CTSL: variants seen among roughly 807,000 people sequenced by gnomAD.
CTSL encodes the protein cathepsin L.
CTSL carries 23 observed loss-of-function variants against 34.7 expected under a neutral mutation model. The observed-to-expected ratio is 0.66, with a 90% CI of 0.48 to 0.94. The LOEUF (loss-of-function observed/expected upper bound fraction) is 0.94. CTSL is among the 40% of genes least tolerant of loss of function. The pLI is 0.00. For synonymous variants in CTSL, 129 were observed against 136.7 expected (o/e 0.94, Z 0.39); for missense variants, 361 against 406.3 (o/e 0.89, Z 0.96).
chr9:87,729,783 T>A, intron 6 of CTSL, 48 bp downstream of exon 6: 1 of 1,559,586 alleles, frequency 6.4e-7, no homozygotes, highest in Non-Finnish European at 8.7e-7. Context: ...AAGAGTATCA[T>A]GACATACGAG....
At position 87,727,690 on chromosome 9, in the gene CTSL, G is replaced by A. The variant is rs764222960; in HGVS notation, c.87G>A (p.Trp29Ter). ...TTGATCACAGTTTAGAGGCACAGTG[G>A]ACCAAGTGGAAGGCGATGCACAACA... ...LTFDHSLEAQ[W>*]TKWKAMHNRL... Residue 29 changes from tryptophan (W) to a stop codon, truncating the protein, a stop_gained, in exon 2 of 8, where the codon TGG (tryptophan) becomes TGA (stop). Coordinates refer to ENST00000343150, the MANE Select transcript of CTSL (RefSeq NM_001912.5). LOFTEE classifies it high-confidence loss of function. 1 of 1,614,130 alleles carries A rather than the reference G, an allele frequency of 6.2e-7. No individual in the cohort carries two copies. The highest frequency in any genetic ancestry group is 8.5e-7 in the Non-Finnish European group (1 of 1,180,038).
At chr9:87,729,165 CAA>C (rs568121493) in intron 5 of CTSL, among the ~76,000 whole-genome samples, 12 of 119,270 alleles carry the variant, frequency 1.0e-4, no homozygotes, top group South Asian at 2.7e-4. Context: ...ACCCTGTCTC[CAA>C]AAAAAAAAAA....
At position 87,727,723 on chromosome 9, in the gene CTSL, C is replaced by T. The variant is rs546059099; in HGVS notation, c.120C>T (p.Tyr40=). The T allele has an allele frequency of 3.8e-5, 62 of 1,613,926 alleles. No homozygotes were observed. The highest frequency in any genetic ancestry group is 2.3e-4 in the South Asian group (21 of 91,038). ...TKWKAMHNRL[Y]GMNEEGWRRA... ...GGAAGGCGATGCACAACAGATTATA[C>T]GGCATGGTTAGTGAAACTTCCCCAG... Residue 40 remains tyrosine (Y), a synonymous_variant, in exon 2 of 8, where the codon TAC becomes TAT. Transcript: ENST00000343150.
In CTSL at chr9:87,727,594, G is replaced by T; in HGVS notation, c.-10G>T. 3.7e-6 allele frequency: 6 copies of T among 1,613,894 alleles called. No individual in the cohort carries two copies. The highest frequency in any genetic ancestry group is 5.1e-6 in the Non-Finnish European group (6 of 1,179,982). The stretch of plus-strand genomic sequence containing the variant: ...ATCCTCATTTTTGTTCCCTTCCTAG[G>T]TTTTAAAACATGAATCCTACACTCA... On this transcript the variant is annotated splice_region_variant and 5_prime_UTR_variant, in exon 2 of 8. Coordinates refer to ENST00000343150, the MANE Select transcript of CTSL (RefSeq NM_001912.5).
chr9:87,730,643 A>T (rs1287600616), intron 7 of CTSL, 145 bp downstream of exon 7: 3 of 602,746 alleles, frequency 5.0e-6, no homozygotes, highest in African/African-American at 1.9e-5. Flanking sequence ...TTAATGTTTG[A>T]TTATAAAAGT....
chr9:87,726,538 G>C (rs1279714026), intron 1 of CTSL, 140 bp downstream of exon 1: 2 of 152,298 alleles, frequency 1.3e-5, no homozygotes, highest in African/African-American at 4.8e-5. Context: ...AGTGTGTGGC[G>C]CAGGCGTCAT....
chr9:87,727,977 G>A, intron 2 of CTSL, 50 bp from the exon 3 acceptor site: 1 of 1,608,056 alleles, frequency 6.2e-7, no homozygotes, highest in Non-Finnish European at 8.5e-7. Flanking sequence ...GTGAGGATGA[G>A]TTGGGTTTTA....
At position 87,728,822 on chromosome 9, in the gene CTSL, C is replaced by T. The variant is rs1199020118; in HGVS notation, c.621+13C>T. The T allele has an allele frequency of 1.2e-6, 2 of 1,614,022 alleles. No individual in the cohort carries two copies. Among genetic ancestry groups the T allele is most frequent in the South Asian group, 1.1e-5 (1 of 91,084 alleles). On this transcript the variant is annotated intron_variant, in intron 5 of 7. Transcript: ENST00000343150. ...ATATGAGGCAACAGTAAGTGGAGCT[C>T]CTTGTCATCATTCCAGCTCAGCTTT...
At position 87,727,705 on chromosome 9, in the gene CTSL, G is replaced by A. The variant is rs371570898; in HGVS notation, c.102G>A (p.Ala34=). 8.4e-5 allele frequency: 135 copies of A among 1,614,114 alleles called. 1 individual carries two copies. The highest frequency in any genetic ancestry group is 1.1e-4 in the Non-Finnish European group (128 of 1,180,016). ...AGGCACAGTGGACCAAGTGGAAGGCGATGCACAACAGATTATACGGCATGG... is the reference window on the plus strand; with the variant it reads ...AGGCACAGTGGACCAAGTGGAAGGCAATGCACAACAGATTATACGGCATGG... The part of the protein sequence containing the change: ...SLEAQWTKWK[A]MHNRLYGMNE... Residue 34 remains alanine, a synonymous_variant, in exon 2 of 8, where the codon GCG becomes GCA. Transcript: ENST00000343150.
At chr9:87,727,964 T>C (rs1826090810) in intron 2 of CTSL, 63 bp from the exon 3 acceptor site, 1 of 1,603,158 alleles carries the variant, frequency 6.2e-7, no homozygotes, top group East Asian at 2.2e-5. Context: ...GCAGATTCAC[T>C]TGGTGAGGAT....
chr9:87,729,660 A>G lies in CTSL; in HGVS notation c.709A>G (p.Lys237Glu), dbSNP rs570139734. 5 of 1,614,102 alleles carry G rather than the reference A, an allele frequency of 3.1e-6. No homozygotes were observed. In the South Asian group the frequency reaches 4.4e-5, roughly 14 times the overall value. Residue 237 changes from lysine to glutamate, a missense_variant, in exon 6 of 8, where the codon AAG (lysine) becomes GAG (glutamate). Physicochemically the swap from Lys to Glu is moderately conservative, Grantham distance 56. Transcript: ENST00000343150. ...DIPKQEKALMKAVATVGPISV... is the reference protein window; with the variant it reads ...DIPKQEKALMEAVATVGPISV... The stretch of plus-strand genomic sequence containing the variant: ...CCCTAAGCAGGAGAAGGCCCTGATG[A>G]AGGCAGTTGCAACTGTGGGGCCCAT...
intron 5 of CTSL, 40 bp downstream of exon 5, chr9:87,728,849 G>C (rs772010930): frequency 6.2e-7 from 1 of 1,613,958 alleles, no homozygotes; most frequent in Non-Finnish European, 8.5e-7. Flanking sequence ...CTCAGCTTTT[G>C]GAAGGTGGAC....
intron 2 of CTSL, 119 bp downstream of exon 2, chr9:87,727,848 A>G: frequency 2.1e-6 from 3 of 1,421,364 alleles, no homozygotes; most frequent in Non-Finnish European, 9.7e-7. Flanking sequence ...GGCGTGGATT[A>G]TGAGCACAAT....
In CTSL at chr9:87,728,727, G is replaced by A; in HGVS notation, c.539G>A (p.Gly180Asp). 6.2e-7 allele frequency: 1 copy of A among 1,614,184 alleles called. No individual in the cohort carries two copies. Residue 180 changes from glycine to aspartate, a missense_variant, in exon 5 of 8, where the codon GGT becomes GAT. Physicochemically the swap from Gly to Asp is moderately conservative, Grantham distance 94. Coordinates refer to ENST00000343150, the MANE Select transcript of CTSL (RefSeq NM_001912.5). ...CCTCAAGGCAATGAAGGCTGCAATG[G>A]TGGCCTAATGGATTATGCTTTCCAG... ...SGPQGNEGCNGGLMDYAFQYV... is the reference protein window; with the variant it reads ...SGPQGNEGCNDGLMDYAFQYV...
rs1826182830 is a variant in CTSL, at chr9:87,729,710, T to C, written c.759T>C (p.His253=). The change falls in exon 6 of 8, where the codon CAT becomes CAC. Residue 253 remains histidine, a synonymous_variant. Coordinates refer to ENST00000343150, the MANE Select transcript of CTSL (RefSeq NM_001912.5). The stretch of plus-strand genomic sequence containing the variant: ...TTTCTGTTGCTATTGATGCAGGTCA[T>C]GAGTCCTTCCTGTTCTATAAAGAAG... ...GPISVAIDAG[H]ESFLFYKEGI... 3 of 1,612,844 alleles carry C rather than the reference T, an allele frequency of 1.9e-6. No homozygotes were observed. Among genetic ancestry groups the C allele is most frequent in the Non-Finnish European group, 2.5e-6 (3 of 1,179,760 alleles).
rs773807336 is a variant in CTSL at position 87,730,433 on chromosome 9, G to C, written c.837G>C (p.Leu279=). The C allele has an allele frequency of 2.5e-6, 4 of 1,613,302 alleles. No homozygotes were observed. The highest frequency in any genetic ancestry group is 1.7e-5 in the Admixed American group (1 of 59,816). Reference sequence around the variant, plus strand: ...GTGAAGACATGGATCATGGTGTGCTGGTGGTTGGCTACGGATTTGAAAGCA... The same window carrying C: ...GTGAAGACATGGATCATGGTGTGCTCGTGGTTGGCTACGGATTTGAAAGCA... ...CSSEDMDHGV[L]VVGYGFESTE... is the part of the protein sequence containing the mutation. Residue 279 remains leucine (L), a synonymous_variant, in exon 7 of 8, where the codon CTG becomes CTC. Coordinates refer to ENST00000343150, the MANE Select transcript of CTSL (RefSeq NM_001912.5).
chr9:87,727,571 C>G (rs770410895), intron 1 of CTSL, 23 bp from the exon 2 acceptor site: 43 of 1,612,520 alleles, frequency 2.7e-5, no homozygotes, highest in Non-Finnish European at 3.4e-5. Flanking sequence ...CTAATCAGAT[C>G]CTCATTTTTG....
chr9:87,726,606 C>T (rs1256110737), intron 1 of CTSL, among the ~76,000 whole-genome samples: 1 of 152,226 alleles, frequency 6.6e-6, no homozygotes, highest in African/African-American at 2.4e-5. Context: ...GCTGGCTTCC[C>T]GCGTGCGGCC....
chr9:87,728,486 T>C, intron 4 of CTSL, 90 bp downstream of exon 4: 1 of 1,569,152 alleles, frequency 6.4e-7, no homozygotes, highest in Non-Finnish European at 8.6e-7. Context: ...TAAAGTGATG[T>C]ACAGTTCACT....
Sources: gnomAD v4.1 joint callset for allele counts (sites outside exome capture counted in the v4.1 genomes callset) on GRCh38, gnomAD v4.1.1 for gene constraint, MANE v1.5 for transcripts, NCBI Gene and HGNC (gene_info 2026-07-23, HGNC 2026-07-21) for gene names.